Variants in CHIC1 observed in about 807,000 individuals in gnomAD.
CHIC1 encodes cysteine-rich hydrophobic domain-containing protein 1.
CHIC1 carries 7 observed loss-of-function variants against 18.5 expected under a neutral mutation model. That is an observed-to-expected ratio of 0.38 (90% confidence interval 0.22 to 0.71). CHIC1 has a LOEUF of 0.71. Ranked by LOEUF, CHIC1 falls within the 30% of genes least tolerant of loss-of-function variation. CHIC1 has a pLI of 0.49. For synonymous variants in CHIC1, 77 were observed against 73.5 expected, an observed-to-expected ratio of 1.05 and a Z score of -0.25; for missense variants, 159 against 176.9, an observed-to-expected ratio of 0.90 and a Z score of 0.57.
chrX:73,668,750 C>T (rs1314087759), intron 3 of CHIC1, among the ~76,000 whole-genome samples: 1 of 111,974 alleles, frequency 8.9e-6, no homozygotes, highest in Admixed American at 9.5e-5. Flanking sequence ...CAGTACTGAC[C>T]TTTTGCCAGC....
intron 3 of CHIC1, among the ~76,000 whole-genome samples, chrX:73,598,192 C>G (rs1321046575): frequency 2.7e-5 from 3 of 110,946 alleles, no homozygotes; most frequent in Admixed American, 9.6e-5. Context: ...TGGGCAATTG[C>G]CACACTGTCT....
In CHIC1 at chrX:73,681,570, C is replaced by T. The variant is rs993957246; in HGVS notation, c.*565C>T. ...AACTCCTAAAGACTTGTAAATATTGCCTCTTTGCATAATGTAAAATGTGGT... is the reference window on the plus strand; with the variant it reads ...AACTCCTAAAGACTTGTAAATATTGTCTCTTTGCATAATGTAAAATGTGGT... On this transcript the variant is annotated 3_prime_UTR_variant, in exon 6 of 6. Coordinates refer to ENST00000373502, the MANE Select transcript of CHIC1 (RefSeq NM_001039840.4). 1.8e-5 allele frequency: 2 copies of T among 112,098 alleles called. No individual in the cohort carries two copies. The highest frequency in any genetic ancestry group is 1.9e-4 in the Admixed American group (2 of 10,552). The allele number at this position is 112,098 out of a possible 1,213,427, so 9.2% of individuals were successfully genotyped here.
At position 73,603,407 on chromosome X, in the gene CHIC1, C is replaced by T. The variant is rs201429375; in HGVS notation, c.507+18835C>T. Among the ~76,000 whole-genome samples, 25 of 108,154 alleles carry T rather than the reference C, an allele frequency of 2.3e-4. No individual in the cohort carries two copies. In the South Asian group the frequency reaches 3.4e-3, roughly 15 times the overall value. The allele number at this position is 108,154 out of a possible 115,157, so 93.9% of individuals were successfully genotyped here. A position where few individuals can be genotyped will look rare whatever the true frequency, so the allele number is the denominator to read the frequency against. On this transcript the variant is annotated intron_variant, in intron 3 of 5. Coordinates refer to ENST00000373502, the MANE Select transcript of CHIC1 (RefSeq NM_001039840.4). ...AGCTTAAGGAGATTTTGGGCTGAGA[C>T]GCTGGGGTTTTTTAAATATACAATC...
At chrX:73,627,328 T>G (rs375054781) in intron 3 of CHIC1, among the ~76,000 whole-genome samples, 1 of 112,007 alleles carries the variant, frequency 8.9e-6, no homozygotes, top group East Asian at 2.8e-4. Flanking sequence ...CTATGTTCAC[T>G]CAAGGCCCTG....
intron 3 of CHIC1, among the ~76,000 whole-genome samples, chrX:73,636,188 C>T (rs2057830389): frequency 8.9e-6 from 1 of 112,029 alleles, no homozygotes; most frequent in African/African-American, 3.2e-5. Context: ...CTTTTGGTTA[C>T]TATTAGCATG....
chrX:73,670,016 TCC>T (rs1485192687), intron 3 of CHIC1, among the ~76,000 whole-genome samples: 1 of 111,835 alleles, frequency 8.9e-6, no homozygotes, highest in Non-Finnish European at 1.9e-5. Context: ...TCTGCAAGAC[TCC>T]ATACAGCTCT....
rs761108297 is a variant in CHIC1, at chrX:73,609,175, T to G, written c.507+24603T>G. On this transcript the variant is annotated intron_variant, in intron 3 of 5. Coordinates refer to ENST00000373502, the MANE Select transcript of CHIC1 (RefSeq NM_001039840.4). Reference sequence around the variant, plus strand: ...ATCTCTAAAAAAAAAAAAAAAAGTTTAGATGCTTTTTATTAATTTTTTCTT... The same window carrying G: ...ATCTCTAAAAAAAAAAAAAAAAGTTGAGATGCTTTTTATTAATTTTTTCTT... 7.5e-5 allele frequency among the ~76,000 whole-genome samples: 8 copies of G among 106,110 alleles called. No individual in the cohort carries two copies. The South Asian group carries it at 3.2e-3, about 43-fold the overall frequency. The allele number at this position is 106,110 out of a possible 115,157, so 92.1% of individuals were successfully genotyped here.
chrX:73,658,784 C>T (rs947343648), intron 3 of CHIC1, among the ~76,000 whole-genome samples: 3 of 111,784 alleles, frequency 2.7e-5, no homozygotes, highest in African/African-American at 9.8e-5. Flanking sequence ...TATAAATTTC[C>T]CTCTTAACAC....
At chrX:73,648,414 T>C (rs1050628377) in intron 3 of CHIC1, among the ~76,000 whole-genome samples, 1 of 111,788 alleles carries the variant, frequency 8.9e-6, no homozygotes, top group Non-Finnish European at 1.9e-5. Flanking sequence ...AATAACAAAC[T>C]TCTCTGAGTG....
At chrX:73,660,268 G>T (rs1221141758) in intron 3 of CHIC1, among the ~76,000 whole-genome samples, 1 of 112,024 alleles carries the variant, frequency 8.9e-6, no homozygotes, top group Non-Finnish European at 1.9e-5. Flanking sequence ...GAGGATAGTG[G>T]AGTGATATGT....
chrX:73,647,822 G>T (rs1197790582), intron 3 of CHIC1, among the ~76,000 whole-genome samples: 1 of 112,173 alleles, frequency 8.9e-6, no homozygotes, highest in Non-Finnish European at 1.9e-5. Flanking sequence ...TAGACCAGTG[G>T]GTTTCTGCCC....
At chrX:73,647,393 C>T (rs1419057917) in intron 3 of CHIC1, among the ~76,000 whole-genome samples, 2 of 112,140 alleles carry the variant, frequency 1.8e-5, no homozygotes, top group African/African-American at 6.5e-5. Context: ...GCCTGTTAAG[C>T]TGATTGAGCT....
chrX:73,610,125 AC>A lies in CHIC1; in HGVS notation c.507+25555del, dbSNP rs761187538. ...GTTTTTAGCTCCCACATGAGTGAGAACCTGCACTGTTTGTTATTCCATGCCT... is the reference window on the plus strand; with the variant it reads ...GTTTTTAGCTCCCACATGAGTGAGAACTGCACTGTTTGTTATTCCATGCCT... On this transcript the variant is annotated intron_variant, in intron 3 of 5. Coordinates refer to ENST00000373502, the MANE Select transcript of CHIC1 (RefSeq NM_001039840.4). Among the ~76,000 whole-genome samples the A allele has an allele frequency of 8.2e-5, 9 of 109,310 alleles. No individual in the cohort carries two copies. The East Asian group carries it at 2.5e-3, about 31-fold the overall frequency. 94.9% of individuals were successfully genotyped at this position (109,310 alleles called of 115,157 possible).
chrX:73,673,264 G>A (rs1006733987), intron 3 of CHIC1, among the ~76,000 whole-genome samples: 1 of 111,676 alleles, frequency 9.0e-6, no homozygotes, highest in South Asian at 3.8e-4. Flanking sequence ...CTTTAAAGTA[G>A]TTTTTTCCAA....
At position 73,618,979 on chromosome X, in the gene CHIC1, C is replaced by A. The variant is rs751801817; in HGVS notation, c.507+34407C>A. Among the ~76,000 whole-genome samples, 123 of 112,326 alleles carry A rather than the reference C, an allele frequency of 1.1e-3. 2 individuals are homozygous for A. The highest frequency in any genetic ancestry group is 2.1e-3 in the Non-Finnish European group (114 of 53,231). ...AAGAGAGCCCACAGGGCACTTCCTG[C>A]TGCTTCTTCTACCCCTGCATTTTGC... On this transcript the variant is annotated intron_variant, in intron 3 of 5. Coordinates refer to ENST00000373502, the MANE Select transcript of CHIC1 (RefSeq NM_001039840.4).
intron 3 of CHIC1, among the ~76,000 whole-genome samples, chrX:73,632,800 G>A (rs1479506899): frequency 7.5e-5 from 6 of 79,756 alleles, no homozygotes; most frequent in East Asian, 7.3e-4. Context: ...TCGGAGTTTC[G>A]CTCTGTCACC....
rs1370986430 is a variant in CHIC1, at chrX:73,673,167, G to A, written c.508-6159G>A. ...TTACTGTAGCCTTGTAGTATAGTTT[G>A]AAGTCAGGTAGCATGATGCCTCCAG... On this transcript the variant is annotated intron_variant, in intron 3 of 5. Transcript: ENST00000373502. Among the ~76,000 whole-genome samples the A allele has an allele frequency of 5.4e-5, 6 of 112,024 alleles. No individual in the cohort carries two copies. In the South Asian group the frequency reaches 1.5e-3, roughly 28 times the overall value.
chrX:73,616,308 G>A (rs1248888850), intron 3 of CHIC1, among the ~76,000 whole-genome samples: 1 of 111,560 alleles, frequency 9.0e-6, no homozygotes, highest in Non-Finnish European at 1.9e-5. Context: ...GTACAACACT[G>A]GAGGTATCTT....
At chrX:73,671,856 G>A (rs189566687) in intron 3 of CHIC1, among the ~76,000 whole-genome samples, 218 of 108,958 alleles carry the variant, frequency 2.0e-3, no homozygotes, top group African/African-American at 6.9e-3. Context: ...TGCCATGTTG[G>A]TGTGCTGCAC....
Sources: gnomAD v4.1 joint callset for allele counts (sites outside exome capture counted in the v4.1 genomes callset) on GRCh38, gnomAD v4.1.1 for gene constraint, MANE v1.5 for transcripts, NCBI Gene and HGNC (gene_info 2026-07-23, HGNC 2026-07-21) for gene names.